GFRAL: variants seen among roughly 807,000 people sequenced by gnomAD.
The protein encoded by GFRAL is GDNF family receptor alpha-like.
In GFRAL, 36 loss-of-function variants were observed where a neutral mutation model predicts 45.4. The observed-to-expected ratio is 0.79, with a 90% CI of 0.61 to 1.05. The LOEUF (loss-of-function observed/expected upper bound fraction) is 1.05. Among genes scored for constraint, GFRAL ranks in the 50% least tolerant of loss-of-function variants. GFRAL has a pLI of 0.00. For synonymous variants in GFRAL, 166 were observed against 154.1 expected, an observed-to-expected ratio of 1.08 and a Z score of -0.57; for missense variants, 507 against 467.5, an observed-to-expected ratio of 1.08 and a Z score of -0.78.
At chr6:55,392,872 A>G (rs1768772037) in intron 6 of GFRAL, among the ~76,000 whole-genome samples, 2 of 152,204 alleles carry the variant, frequency 1.3e-5, no homozygotes, top group Admixed American at 1.3e-4. Context: ...CCTTGAACTT[A>G]AAAATTAAAC....
intron 6 of GFRAL, among the ~76,000 whole-genome samples, chr6:55,391,475 A>C (rs1304012836): frequency 6.6e-6 from 1 of 152,186 alleles, no homozygotes; most frequent in East Asian, 1.9e-4. Flanking sequence ...AAAGGGCTAC[A>C]CATAGTGGCT....
At chr6:55,400,470 G>C (rs1347884954) in intron 8 of GFRAL, among the ~76,000 whole-genome samples, 2 of 152,078 alleles carry the variant, frequency 1.3e-5, no homozygotes, top group African/African-American at 2.4e-5. Context: ...TTGACAATTA[G>C]GCAAATAAAA....
At position 55,378,902 on chromosome 6, in the gene GFRAL, GT is replaced by G. The variant is rs1251391151; in HGVS notation, c.952+19766del. Among the ~76,000 whole-genome samples, 11 of 151,902 alleles carry G rather than the reference GT, an allele frequency of 7.2e-5. No individual in the cohort carries two copies. In the East Asian group the frequency reaches 2.1e-3, roughly 29 times the overall value. On this transcript the variant is annotated intron_variant, in intron 6 of 8. Coordinates refer to ENST00000340465, the MANE Select transcript of GFRAL (RefSeq NM_207410.2). Reference sequence around the variant, plus strand: ...TGGACAGTAAACACTGATATACTGGGTTCGTCTTTCTGGGAATCATTTACTT... The same window carrying G: ...TGGACAGTAAACACTGATATACTGGGTCGTCTTTCTGGGAATCATTTACTT...
In GFRAL at chr6:55,399,593, A is replaced by G. The variant is rs1013980680; in HGVS notation, c.1121+152A>G. The G allele has an allele frequency of 6.8e-6, 4 of 589,212 alleles. No homozygotes were observed. In the South Asian group the frequency reaches 9.6e-5, roughly 14 times the overall value. The allele number at this position is 589,212 out of a possible 1,614,324, so 36.5% of individuals were successfully genotyped here. A position where few individuals can be genotyped will look rare whatever the true frequency, so the allele number is the denominator to read the frequency against. Reference sequence around the variant, plus strand: ...ATCAAGTTTTATGTGGCATAGGTCCATGGAAACGTTACTTTCAGTCTTCCT... The same window carrying G: ...ATCAAGTTTTATGTGGCATAGGTCCGTGGAAACGTTACTTTCAGTCTTCCT... On this transcript the variant is annotated intron_variant, in intron 8 of 8. Coordinates refer to ENST00000340465, the MANE Select transcript of GFRAL (RefSeq NM_207410.2).
chr6:55,334,221 T>G (rs896461471), intron 3 of GFRAL, among the ~76,000 whole-genome samples: 1 of 152,184 alleles, frequency 6.6e-6, no homozygotes, highest in Non-Finnish European at 1.5e-5. Flanking sequence ...ACCACAATTC[T>G]AAGCTTCATT....
chr6:55,333,816 C>G lies in GFRAL; in HGVS notation c.188C>G (p.Ser63Ter). Residue 63 changes from serine (S) to a stop codon, truncating the protein, a stop_gained, in exon 3 of 9, where the codon TCA becomes TGA. Coordinates refer to ENST00000340465, the MANE Select transcript of GFRAL (RefSeq NM_207410.2). LOFTEE classifies it high-confidence loss of function. Reference sequence around the variant, plus strand: ...GGTGACCCCTGCAAGATGAGGAATTCATCATACTGTAACCTGAGTATCCAG... The same window carrying G: ...GGTGACCCCTGCAAGATGAGGAATTGATCATACTGTAACCTGAGTATCCAG... ...DPGDPCKMRN[S>*]SYCNLSIQYL... The G allele has an allele frequency of 6.2e-7, 1 of 1,603,540 alleles. No individual in the cohort carries two copies. The highest frequency in any genetic ancestry group is 1.1e-5 in the South Asian group (1 of 89,312).
rs750890683 is a variant in GFRAL, at chr6:55,377,185, C to T, written c.952+18047C>T. Among the ~76,000 whole-genome samples, 166 of 152,088 alleles carry T rather than the reference C, an allele frequency of 1.1e-3. 3 individuals are homozygous for T. Among genetic ancestry groups the T allele is most frequent in the Non-Finnish European group, 2.0e-3 (134 of 67,976 alleles). On this transcript the variant is annotated intron_variant, in intron 6 of 8. Transcript: ENST00000340465. ...CCAATTCACAATTTAAAAACGGTCT[C>T]CATCTTTCCAGCCCCCAATAGGCAG...
At chr6:55,354,810 T>C (rs1186146062) in intron 5 of GFRAL, among the ~76,000 whole-genome samples, 2 of 152,006 alleles carry the variant, frequency 1.3e-5, no homozygotes, top group Admixed American at 6.6e-5. Context: ...AGTTTTAAAA[T>C]ACAATTTCTG....
At position 55,356,846 on chromosome 6, in the gene GFRAL, C is replaced by G. The variant is rs577685762; in HGVS notation, c.702-2042C>G. Among the ~76,000 whole-genome samples, 5 of 151,842 alleles carry G rather than the reference C, an allele frequency of 3.3e-5. No individual in the cohort carries two copies. In the East Asian group the frequency reaches 7.8e-4, roughly 24 times the overall value. ...GGTGCTTATTTCTATAAACTTTTCT[C>G]TTAATACTGCTTTTTCCATATCCCA... is the stretch of plus-strand genomic sequence containing the variant. On this transcript the variant is annotated intron_variant, in intron 5 of 8. Coordinates refer to ENST00000340465, the MANE Select transcript of GFRAL (RefSeq NM_207410.2).
intron 8 of GFRAL, among the ~76,000 whole-genome samples, chr6:55,400,213 G>A (rs1464306707): frequency 1.3e-5 from 2 of 152,054 alleles, no homozygotes; most frequent in South Asian, 2.1e-4. Context: ...ACACATATGG[G>A]TACATGTCTA....
chr6:55,398,812 G>A (rs766202938), intron 6 of GFRAL, among the ~76,000 whole-genome samples: 41 of 152,098 alleles, frequency 2.7e-4, no homozygotes, highest in Admixed American at 1.2e-3. Flanking sequence ...GAGTGCAGAG[G>A]TACATTAAAA....
chr6:55,397,444 G>A (rs1021594662), intron 6 of GFRAL, among the ~76,000 whole-genome samples: 1 of 133,912 alleles, frequency 7.5e-6, no homozygotes, highest in African/African-American at 2.9e-5. Context: ...CGTGAACCCG[G>A]GAAGCGGAGC....
At position 55,359,097 on chromosome 6, in the gene GFRAL, G is replaced by A; in HGVS notation, c.911G>A (p.Cys304Tyr). 6.2e-7 allele frequency: 1 copy of A among 1,612,490 alleles called. No homozygotes were observed. Among genetic ancestry groups the A allele is most frequent in the African/African-American group, 1.3e-5 (1 of 74,880 alleles). The change falls in exon 6 of 9, where the codon TGT becomes TAT. Residue 304 changes from cysteine to tyrosine, a missense_variant. Coordinates refer to ENST00000340465, the MANE Select transcript of GFRAL (RefSeq NM_207410.2). ...ATTACACAAAGTGAGGAATCTTTGT[G>A]TAAGATTTTCCAGCACATGCTTCAT... Reference protein sequence around the residue: ...RTITQSEESLCKIFQHMLHRK... With the variant: ...RTITQSEESLYKIFQHMLHRK...
chr6:55,330,180 G>A (rs1369733740), intron 1 of GFRAL, among the ~76,000 whole-genome samples: 1 of 152,040 alleles, frequency 6.6e-6, no homozygotes, highest in Non-Finnish European at 1.5e-5. Context: ...AAAGTAACTT[G>A]TAAATATCTG....
chr6:55,339,192 G>C (rs753883189), intron 3 of GFRAL, among the ~76,000 whole-genome samples: 1 of 152,150 alleles, frequency 6.6e-6, no homozygotes, highest in Admixed American at 6.6e-5. Context: ...CCAGGTGGCT[G>C]GCTTGGGACA....
intron 3 of GFRAL, among the ~76,000 whole-genome samples, chr6:55,343,842 G>A (rs939605455): frequency 2.6e-5 from 4 of 151,920 alleles, no homozygotes; most frequent in East Asian, 1.9e-4. Flanking sequence ...ATGATAAAGG[G>A]GATATCACCA....
chr6:55,394,910 GAGA>G (rs1485169963), intron 6 of GFRAL, among the ~76,000 whole-genome samples: 13 of 151,936 alleles, frequency 8.6e-5, no homozygotes, highest in South Asian at 2.1e-4. Flanking sequence ...AGAGAAGGAG[GAGA>G]AGGAGGAGAG....
intron 3 of GFRAL, among the ~76,000 whole-genome samples, chr6:55,339,625 A>G (rs1451875541): frequency 2.6e-5 from 4 of 152,214 alleles, no homozygotes; most frequent in Non-Finnish European, 5.9e-5. Flanking sequence ...CCAATGAAAG[A>G]GAGGACATGA....
chr6:55,340,305 G>A lies in GFRAL; in HGVS notation c.316+6361G>A, dbSNP rs149108920. Among the ~76,000 whole-genome samples the A allele has an allele frequency of 4.9e-3, 746 of 152,174 alleles. 5 individuals carry two copies. The highest frequency in any genetic ancestry group is 8.5e-3 in the Admixed American group (130 of 15,288). ...AATATTCTCCAGAGTACACAGACAT[G>A]CACTTTTCTATTCTCAAGAAAATCA... On this transcript the variant is annotated intron_variant, in intron 3 of 8. Coordinates refer to ENST00000340465, the MANE Select transcript of GFRAL (RefSeq NM_207410.2).
Sources: gnomAD v4.1 joint callset for allele counts (sites outside exome capture counted in the v4.1 genomes callset) on GRCh38, gnomAD v4.1.1 for gene constraint, MANE v1.5 for transcripts, NCBI Gene and HGNC (gene_info 2026-07-23, HGNC 2026-07-21) for gene names.